The following IL1RAPL1 variants were observed in gnomAD, a reference collection of about 807,000 sequenced individuals.
IL1RAPL1 encodes the protein interleukin-1 receptor accessory protein-like 1.
A neutral mutation model predicts 48.4 loss-of-function variants in IL1RAPL1; 3 were observed. The ratio of observed to expected loss-of-function variants is 0.06; its 90% CI spans 0.03 to 0.16. The LOEUF is 0.16. Ranked by LOEUF, IL1RAPL1 falls within the 10% of genes least tolerant of loss-of-function variation. The pLI is 1.00. For missense variants in IL1RAPL1, 349 were observed against 530.6 expected, an observed-to-expected ratio of 0.66 and a Z score of 3.36; for synonymous variants, 185 against 187.7, an observed-to-expected ratio of 0.99 and a Z score of 0.12.
At chrX:29,635,628 A>G (rs1460167859) in intron 5 of IL1RAPL1, among the ~76,000 whole-genome samples, 1 of 111,277 alleles carries the variant, frequency 9.0e-6, no homozygotes, top group Admixed American at 9.6e-5. Flanking sequence ...ACAGCAGGGA[A>G]CACATTGATA....
intron 2 of IL1RAPL1, among the ~76,000 whole-genome samples, chrX:28,998,795 T>C (rs759837624): frequency 8.9e-5 from 10 of 112,287 alleles, no homozygotes; most frequent in Non-Finnish European, 1.9e-4. Context: ...ACATGCAGTG[T>C]TCTTGCTGTT....
intron 6 of IL1RAPL1, among the ~76,000 whole-genome samples, chrX:29,724,191 T>G (rs1310295136): frequency 1.8e-5 from 2 of 110,692 alleles, no homozygotes; most frequent in Admixed American, 1.9e-4. Flanking sequence ...GAGGCAGGAG[T>G]TACAAATAAA....
chrX:29,370,605 A>G (rs1047086612), intron 3 of IL1RAPL1, among the ~76,000 whole-genome samples: 10 of 110,288 alleles, frequency 9.1e-5, no homozygotes, highest in African/African-American at 3.3e-4. Context: ...ATTGCCCACA[A>G]CCAGTGCTCT....
At chrX:29,107,610 T>C (rs1456935098) in intron 2 of IL1RAPL1, among the ~76,000 whole-genome samples, 3 of 111,814 alleles carry the variant, frequency 2.7e-5, no homozygotes, top group Non-Finnish European at 5.6e-5. Flanking sequence ...TTAAAAAAAA[T>C]ATATCAAAAA....
intron 5 of IL1RAPL1, among the ~76,000 whole-genome samples, chrX:29,470,615 C>T (rs1410992725): frequency 9.0e-6 from 1 of 110,767 alleles, no homozygotes; most frequent in Admixed American, 9.7e-5. Flanking sequence ...TTTTAAAATA[C>T]TTTAAGTTTA....
At chrX:29,125,910 G>A (rs1369867653) in intron 2 of IL1RAPL1, among the ~76,000 whole-genome samples, 1 of 108,474 alleles carries the variant, frequency 9.2e-6, no homozygotes, top group Non-Finnish European at 1.9e-5. Context: ...GGTGAGGTGA[G>A]TCAAGCAAGG....
At chrX:28,633,123 A>G (rs1284369249) in intron 1 of IL1RAPL1, among the ~76,000 whole-genome samples, 1 of 111,279 alleles carries the variant, frequency 9.0e-6, no homozygotes. Context: ...TCCTGGCCTC[A>G]GGTGTCGTGC....
chrX:29,261,743 C>T (rs775754496), intron 2 of IL1RAPL1, among the ~76,000 whole-genome samples: 4 of 110,955 alleles, frequency 3.6e-5, no homozygotes, highest in East Asian at 2.9e-4. Context: ...ATGTTCTTCT[C>T]GCACTTGCCA....
Position 29,866,381 on chromosome X carries a change from A to G in IL1RAPL1, c.779-51083A>G, listed in dbSNP as rs916449326. Among the ~76,000 whole-genome samples the G allele has an allele frequency of 4.5e-5, 5 of 111,141 alleles. No homozygotes were observed. In the East Asian group the frequency reaches 1.4e-3, roughly 31 times the overall value. ...ACCACCAGAAAGTACGTAGTAGAAT[A>G]TCTTGGGATAATGAGCACCATGATG... On this transcript the variant is annotated intron_variant, in intron 6 of 10. Transcript: ENST00000378993.
chrX:29,659,898 G>C (rs1925790021), intron 5 of IL1RAPL1, among the ~76,000 whole-genome samples: 1 of 111,844 alleles, frequency 8.9e-6, no homozygotes, highest in Non-Finnish European at 1.9e-5. Flanking sequence ...GGAACTACCT[G>C]AGACTAGGTA....
At chrX:28,677,907 A>C (rs1935016663) in intron 1 of IL1RAPL1, among the ~76,000 whole-genome samples, 2 of 110,980 alleles carry the variant, frequency 1.8e-5, no homozygotes, top group African/African-American at 6.6e-5. Context: ...CTTCAGGATA[A>C]ATTTCAGGAA....
chrX:28,638,104 T>C (rs1200095065), intron 1 of IL1RAPL1, among the ~76,000 whole-genome samples: 1 of 111,756 alleles, frequency 8.9e-6, no homozygotes, highest in Non-Finnish European at 1.9e-5. Context: ...GGGGGAAGGT[T>C]CCAGGTCAAC....
intron 2 of IL1RAPL1, among the ~76,000 whole-genome samples, chrX:29,023,484 A>G (rs1271868983): frequency 8.9e-6 from 1 of 112,763 alleles, no homozygotes; most frequent in Non-Finnish European, 1.9e-5. Flanking sequence ...TTCATTTTCT[A>G]AAGTGATTGC....
At chrX:28,849,139 T>TAAA (rs34892376) in intron 2 of IL1RAPL1, among the ~76,000 whole-genome samples, 23 of 99,730 alleles carry the variant, frequency 2.3e-4, no homozygotes, top group African/African-American at 7.7e-4. Context: ...ACAAGGCAAT[T>TAAA]AAAAAAAAAA....
chrX:29,900,634 A>C (rs1198367751), intron 6 of IL1RAPL1, among the ~76,000 whole-genome samples: 1 of 112,304 alleles, frequency 8.9e-6, no homozygotes, highest in Non-Finnish European at 1.9e-5. Context: ...TCTTTCTTAA[A>C]AGGAAACTCG....
At chrX:28,673,903 G>A (rs1233993900) in intron 1 of IL1RAPL1, among the ~76,000 whole-genome samples, 2 of 111,671 alleles carry the variant, frequency 1.8e-5, no homozygotes, top group African/African-American at 6.5e-5. Flanking sequence ...CCTGTGTATG[G>A]TCACAGGCTT....
At chrX:29,706,553 C>T (rs1479582620) in intron 6 of IL1RAPL1, among the ~76,000 whole-genome samples, 1 of 111,897 alleles carries the variant, frequency 8.9e-6, no homozygotes, top group Non-Finnish European at 1.9e-5. Context: ...GTCTGAAATA[C>T]AGCACGGCAG....
intron 6 of IL1RAPL1, among the ~76,000 whole-genome samples, chrX:29,727,316 G>A (rs1927799341): frequency 8.9e-6 from 1 of 112,103 alleles, no homozygotes; most frequent in Admixed American, 9.4e-5. Flanking sequence ...GAAATAGACA[G>A]TGCCAGATGC....
chrX:29,797,657 G>A (rs933133224), intron 6 of IL1RAPL1, among the ~76,000 whole-genome samples: 1 of 111,669 alleles, frequency 9.0e-6, no homozygotes, highest in East Asian at 2.8e-4. Flanking sequence ...CAGATCACTT[G>A]AGGTCAGGAG....
Sources: allele counts gnomAD v4.1 joint callset (sites outside exome capture counted in the v4.1 genomes callset), GRCh38; gene constraint gnomAD v4.1.1; transcripts MANE v1.5; gene names NCBI Gene and HGNC (gene_info 2026-07-23, HGNC 2026-07-21).